The following FILIP1L variants were observed in gnomAD, a reference collection of about 807,000 sequenced individuals.
FILIP1L encodes the protein filamin A interacting protein 1 like.
In FILIP1L, 55 loss-of-function variants were observed where a neutral mutation model predicts 96.6. That is an observed-to-expected ratio of 0.57 (90% CI 0.46 to 0.71). The LOEUF (loss-of-function observed/expected upper bound fraction) is 0.71, where lower values mean the gene tolerates loss of function less well. Ranked by LOEUF, FILIP1L falls within the 30% of genes least tolerant of loss-of-function variation. The probability of loss-of-function intolerance (pLI) is 0.00; values close to 1 mark genes in which losing one functional copy is unlikely to be tolerated. For missense variants in FILIP1L, 1,304 were observed against 1,321.2 expected (o/e 0.99, Z 0.20); for synonymous variants, 467 against 473.9 (o/e 0.99, Z 0.19).
chr3:99,886,752 G>C (rs1355239585), intron 4 of FILIP1L, among the ~76,000 whole-genome samples: 1 of 151,744 alleles, frequency 6.6e-6, no homozygotes, highest in African/African-American at 2.4e-5. Flanking sequence ...TTAGGAGTTC[G>C]AGACCAGCTT....
intron 1 of FILIP1L, among the ~76,000 whole-genome samples, chr3:99,975,947 C>T (rs1375482819): frequency 6.6e-6 from 1 of 152,140 alleles, no homozygotes; most frequent in African/African-American, 2.4e-5. Context: ...TGCAGTGGCA[C>T]CATCTTGGCT....
intron 4 of FILIP1L, among the ~76,000 whole-genome samples, chr3:99,857,649 T>C (rs377214100): frequency 1.3e-4 from 20 of 152,342 alleles, no homozygotes; most frequent in Non-Finnish European, 2.6e-4. Flanking sequence ...GTTTTTCAGA[T>C]GCTTGGTCCA....
At position 99,956,943 on chromosome 3, in the gene FILIP1L, G is replaced by A. The variant is rs554025111; in HGVS notation, c.-10-25913C>T. Among the ~76,000 whole-genome samples the A allele has an allele frequency of 1.8e-4, 27 of 152,174 alleles. No individual in the cohort carries two copies. The South Asian group carries it at 5.6e-3, about 32-fold the overall frequency. On this transcript the variant is annotated intron_variant, in intron 1 of 5. Transcript: ENST00000477258. ...ATGGCTTCCTAATTTCCAAATCCAG[G>A]AACCTCTTCTTAAAGAGGTCTTCCT...
intron 1 of FILIP1L, among the ~76,000 whole-genome samples, chr3:100,003,117 C>T (rs2107170876): frequency 6.6e-6 from 1 of 152,280 alleles, no homozygotes; most frequent in Non-Finnish European, 1.5e-5. Flanking sequence ...AGCACTGTAG[C>T]CTCACACTTA....
intron 5 of FILIP1L, among the ~76,000 whole-genome samples, chr3:99,839,008 T>C (rs1020283951): frequency 6.6e-6 from 1 of 152,128 alleles, no homozygotes; most frequent in African/African-American, 2.4e-5. Flanking sequence ...CTGCTCACTG[T>C]TCCTTGAATG....
intron 1 of FILIP1L, among the ~76,000 whole-genome samples, chr3:100,108,284 T>C (rs2066427653): frequency 6.6e-6 from 1 of 152,184 alleles, no homozygotes; most frequent in African/African-American, 2.4e-5. Flanking sequence ...GATTATTTTT[T>C]ATAGATCCAA....
intron 1 of FILIP1L, among the ~76,000 whole-genome samples, chr3:100,109,052 T>A (rs2066441764): frequency 6.6e-6 from 1 of 151,322 alleles, no homozygotes; most frequent in Non-Finnish European, 1.5e-5. Context: ...TTGAGTTTTC[T>A]GGGTTCTACA....
At chr3:99,995,085 G>A (rs911193317) in intron 1 of FILIP1L, among the ~76,000 whole-genome samples, 9 of 151,962 alleles carry the variant, frequency 5.9e-5, no homozygotes, top group Admixed American at 1.3e-4. Flanking sequence ...AACCCAAAAC[G>A]CGCAGTCCAA....
chr3:99,955,306 A>G (rs963977117), intron 1 of FILIP1L, among the ~76,000 whole-genome samples: 1 of 152,250 alleles, frequency 6.6e-6, no homozygotes, highest in African/African-American at 2.4e-5. Context: ...AGAGTTGTAA[A>G]TGACAAGGAG....
chr3:99,967,757 G>A (rs1466779610), intron 1 of FILIP1L, among the ~76,000 whole-genome samples: 1 of 152,172 alleles, frequency 6.6e-6, no homozygotes, highest in African/African-American at 2.4e-5. Flanking sequence ...ATGTAGATGT[G>A]GAGTGTTTTA....
chr3:99,930,494 A>G (rs1452593186), intron 2 of FILIP1L, among the ~76,000 whole-genome samples: 3 of 152,168 alleles, frequency 2.0e-5, no homozygotes, highest in African/African-American at 7.2e-5. Flanking sequence ...CTACTGATGC[A>G]TGCATGTGCA....
At chr3:99,851,172 G>A in intron 4 of FILIP1L, 102 bp from the exon 5 acceptor site, 9 of 952,322 alleles carry the variant, frequency 9.5e-6, no homozygotes, top group African/African-American at 1.7e-5. Flanking sequence ...AATTATATGA[G>A]CTGTGTCAGT....
intron 1 of FILIP1L, among the ~76,000 whole-genome samples, chr3:99,957,818 T>G (rs1026984061): frequency 2.0e-5 from 3 of 150,454 alleles, no homozygotes; most frequent in African/African-American, 7.3e-5. Flanking sequence ...ACATAGCTTG[T>G]TTTTAGTTCT....
In FILIP1L at chr3:99,982,755, A is replaced by G. The variant is rs563319041; in HGVS notation, c.-10-51725T>C. ...CTGTTAATGCCATATATAGTATTTC[A>G]TAGAATGATCCTTCCTCATTTTTCA... On this transcript the variant is annotated intron_variant, in intron 1 of 5. Transcript: ENST00000477258. Among the ~76,000 whole-genome samples, 8 of 152,378 alleles carry G rather than the reference A, an allele frequency of 5.3e-5. No homozygotes were observed. The South Asian group carries it at 1.4e-3, about 28-fold the overall frequency.
intron 1 of FILIP1L, among the ~76,000 whole-genome samples, chr3:100,044,699 G>A (rs535899011): frequency 6.6e-6 from 1 of 152,176 alleles, no homozygotes; most frequent in East Asian, 1.9e-4. Flanking sequence ...TTTTTAATGA[G>A]GTAAAAACTT....
At chr3:99,897,020 A>T (rs759083391) in intron 4 of FILIP1L, among the ~76,000 whole-genome samples, 16 of 151,744 alleles carry the variant, frequency 1.1e-4, no homozygotes, top group African/African-American at 2.7e-4. Context: ...CTCAGAACAA[A>T]TTTTTTTTTC....
chr3:99,988,136 A>T (rs1435503237), intron 1 of FILIP1L, among the ~76,000 whole-genome samples: 2 of 152,100 alleles, frequency 1.3e-5, no homozygotes, highest in African/African-American at 4.8e-5. Flanking sequence ...TCTATAAGTG[A>T]ACAAAAGCTA....
intron 1 of FILIP1L, among the ~76,000 whole-genome samples, chr3:99,981,851 A>G (rs1032794801): frequency 1.3e-5 from 2 of 152,190 alleles, no homozygotes; most frequent in African/African-American, 4.8e-5. Context: ...TGCAGAGTCA[A>G]GCCACGGCCA....
chr3:100,068,747 C>T (rs1295728284), intron 1 of FILIP1L, among the ~76,000 whole-genome samples: 8 of 152,176 alleles, frequency 5.3e-5, no homozygotes, highest in Admixed American at 5.2e-4. Context: ...CCTGCCTCAG[C>T]CTCCCAAGTA....
Sources: gnomAD v4.1 joint callset for allele counts (sites outside exome capture counted in the v4.1 genomes callset) on GRCh38, gnomAD v4.1.1 for gene constraint, MANE v1.5 for transcripts, NCBI Gene and HGNC (gene_info 2026-07-23, HGNC 2026-07-21) for gene names.